Variants in PCDH11X observed in about 807,000 individuals in gnomAD.
PCDH11X encodes the protein protocadherin-11 X-linked.
Under a neutral mutation model 53.3 loss-of-function variants are expected in PCDH11X, and 18 were observed. The observed-to-expected ratio is 0.34, with a 90% CI of 0.23 to 0.50. The LOEUF (loss-of-function observed/expected upper bound fraction) is 0.50. Among genes scored for constraint, PCDH11X ranks in the 20% least tolerant of loss-of-function variants. The pLI is 0.98. For synonymous variants in PCDH11X, 279 were observed against 393.3 expected, an observed-to-expected ratio of 0.71 and a Z score of 3.44; for missense variants, 570 against 1,032.4, an observed-to-expected ratio of 0.55 and a Z score of 6.14.
intron 1 of PCDH11X, among the ~76,000 whole-genome samples, chrX:91,798,961 C>G (rs1194161631): frequency 9.1e-6 from 1 of 110,323 alleles, no homozygotes; most frequent in Non-Finnish European, 1.9e-5. Context: ...TATAATAAAT[C>G]ATAAAATGTT....
At chrX:92,370,600 C>T (rs1367240519) in intron 8 of PCDH11X, among the ~76,000 whole-genome samples, 1 of 108,810 alleles carries the variant, frequency 9.2e-6, no homozygotes. Context: ...GCTGGGATTA[C>T]AGGCATGTGA....
chrX:92,302,881 A>AGTTGAG (rs375691512), intron 8 of PCDH11X, among the ~76,000 whole-genome samples: 2,152 of 111,526 alleles, frequency 0.019, 61 homozygotes, highest in African/African-American at 0.066. Context: ...AGAGATAGAA[A>AGTTGAG]GTTGAGAAAT....
At chrX:91,994,959 A>G (rs956536435) in intron 6 of PCDH11X, among the ~76,000 whole-genome samples, 16 of 111,641 alleles carry the variant, frequency 1.4e-4, no homozygotes, top group Non-Finnish European at 3.0e-4. Context: ...TGGAAAAATG[A>G]CTATTCAAGT....
chrX:92,224,269 A>G (rs1418451877), intron 7 of PCDH11X, among the ~76,000 whole-genome samples: 1 of 112,283 alleles, frequency 8.9e-6, no homozygotes, highest in Non-Finnish European at 1.9e-5. Flanking sequence ...TGAAGGCAAC[A>G]CTGGGGTAAT....
At chrX:92,532,607 A>T (rs990995379) in intron 10 of PCDH11X, among the ~76,000 whole-genome samples, 10 of 108,983 alleles carry the variant, frequency 9.2e-5, no homozygotes, top group African/African-American at 3.4e-4. Context: ...GGGATGTAGG[A>T]TAAGTTGGGG....
At chrX:92,012,274 A>G (rs1412369319) in intron 6 of PCDH11X, among the ~76,000 whole-genome samples, 1 of 108,398 alleles carries the variant, frequency 9.2e-6, no homozygotes, top group Non-Finnish European at 1.9e-5. Flanking sequence ...GTAAAATGGC[A>G]GCTGGTTTTA....
At chrX:92,614,511 G>T (rs924105822) in intron 10 of PCDH11X, among the ~76,000 whole-genome samples, 26 of 109,653 alleles carry the variant, frequency 2.4e-4, no homozygotes, top group African/African-American at 7.7e-4. Flanking sequence ...GTGAGAGCTG[G>T]CTGTACCTGA....
intron 9 of PCDH11X, among the ~76,000 whole-genome samples, chrX:92,441,505 A>T (rs1242830107): frequency 8.9e-6 from 1 of 112,056 alleles, no homozygotes; most frequent in Non-Finnish European, 1.9e-5. Context: ...TCATGGCTGA[A>T]AGGGGCCAAG....
At chrX:92,206,463 A>C (rs2148329564) in intron 7 of PCDH11X, among the ~76,000 whole-genome samples, 1 of 111,898 alleles carries the variant, frequency 8.9e-6, no homozygotes, top group East Asian at 2.8e-4. Flanking sequence ...CACATTCAAC[A>C]ATTTAGATGC....
chrX:91,812,107 C>T (rs2147561739), intron 4 of PCDH11X, among the ~76,000 whole-genome samples: 1 of 111,557 alleles, frequency 9.0e-6, no homozygotes. Flanking sequence ...ACAACTTTGT[C>T]ACAATACTCC....
chrX:92,239,258 A>G (rs1260113550), intron 7 of PCDH11X, among the ~76,000 whole-genome samples: 1 of 111,404 alleles, frequency 9.0e-6, no homozygotes. Context: ...TTTATCACTG[A>G]TATTTGGCTA....
At chrX:92,492,364 C>G in intron 10 of PCDH11X, among the ~76,000 whole-genome samples, 1 of 111,527 alleles carries the variant, frequency 9.0e-6, no homozygotes, top group South Asian at 3.7e-4. Flanking sequence ...GGCTGTAATT[C>G]AATTAGTTTG....
intron 10 of PCDH11X, among the ~76,000 whole-genome samples, chrX:92,598,287 C>T (rs1489122660): frequency 1.8e-5 from 2 of 110,296 alleles, no homozygotes; most frequent in African/African-American, 6.6e-5. Context: ...AATTACCCCC[C>T]AGACAAGGTT....
At chrX:92,223,856 G>T (rs774382337) in intron 7 of PCDH11X, among the ~76,000 whole-genome samples, 1 of 111,302 alleles carries the variant, frequency 9.0e-6, no homozygotes, top group South Asian at 3.8e-4. Flanking sequence ...TACATATGGT[G>T]TATGTATGTA....
At chrX:91,806,706 TA>T (rs773327342) in intron 1 of PCDH11X, among the ~76,000 whole-genome samples, 17 of 112,378 alleles carry the variant, frequency 1.5e-4, no homozygotes, top group South Asian at 3.7e-4. Flanking sequence ...TGACCATACT[TA>T]GTCAGTGCAG....
intron 6 of PCDH11X, among the ~76,000 whole-genome samples, chrX:92,177,335 G>A (rs2065926611): frequency 9.0e-6 from 1 of 111,274 alleles, no homozygotes; most frequent in African/African-American, 3.3e-5. Context: ...ATGCTTAAAT[G>A]TCTTTGGAGA....
At chrX:92,121,668 TTAAA>T (rs2064766934) in intron 6 of PCDH11X, among the ~76,000 whole-genome samples, 1 of 111,857 alleles carries the variant, frequency 8.9e-6, no homozygotes, top group Non-Finnish European at 1.9e-5. Context: ...GCAAAATTGT[TTAAA>T]TGTAAACAAA....
chrX:92,006,896 A>T (rs1327215745), intron 6 of PCDH11X, among the ~76,000 whole-genome samples: 2 of 111,178 alleles, frequency 1.8e-5, no homozygotes, highest in Non-Finnish European at 3.8e-5. Context: ...GATCCAGGAG[A>T]TTTCTCTGGA....
chrX:92,330,622 T>C (rs1435800132), intron 8 of PCDH11X, among the ~76,000 whole-genome samples: 1 of 110,660 alleles, frequency 9.0e-6, no homozygotes, highest in Non-Finnish European at 1.9e-5. Flanking sequence ...GACCCATTCA[T>C]AGCAGTTTTA....
Sources: gnomAD v4.1 joint callset for allele counts (sites outside exome capture counted in the v4.1 genomes callset) on GRCh38, gnomAD v4.1.1 for gene constraint, MANE v1.5 for transcripts, NCBI Gene and HGNC (gene_info 2026-07-23, HGNC 2026-07-21) for gene names.